The following ERF variants were observed in gnomAD, a reference collection of about 807,000 sequenced individuals.
ERF encodes the protein ETS2 repressor factor, also known as ETS domain-containing transcription factor ERF.
ERF carries 10 observed loss-of-function variants against 41.6 expected under a neutral mutation model. The observed-to-expected ratio is 0.24, with a 90% confidence interval of 0.15 to 0.41. The LOEUF (loss-of-function observed/expected upper bound fraction) is 0.41, where lower values mean the gene tolerates loss of function less well. ERF is among the 10% of genes least tolerant of loss of function. The pLI is 1.00. For missense variants in ERF, 621 were observed against 763.2 expected (o/e 0.81, Z 2.19); for synonymous variants, 395 against 342.4 (o/e 1.15, Z -1.70).
chr19:42,251,972 C>CAGCT (rs1265425997), intron 1 of ERF, among the ~76,000 whole-genome samples: 1 of 152,124 alleles, frequency 6.6e-6, no homozygotes, highest in African/African-American at 2.4e-5. Flanking sequence ...ATATGACCTC[C>CAGCT]AGCTGTTCAC....
Position 42,249,368 on chromosome 19 carries a change from G to C in ERF, c.744C>G (p.Phe248Leu). Reference protein sequence around the residue: ...PRGGPEPLSPFPVSPLAGPGS... With the variant: ...PRGGPEPLSPLPVSPLAGPGS... ...CAGGACCGGCCAGAGGCGACACAGG[G>C]AAGGGGCTGAGGGGTTCAGGGCCAC... The change falls in exon 4 of 4, where the codon TTC (phenylalanine) becomes TTG (leucine). Residue 248 changes from phenylalanine (F) to leucine (L), a missense_variant. Physicochemically the swap from Phe to Leu is conservative, Grantham distance 22. Around this residue, in one of 3 missense-constraint regions of ERF, gnomAD observed 569 missense variants for 625.5 expected, o/e 0.91. Coordinates refer to ENST00000222329, the MANE Select transcript of ERF (RefSeq NM_006494.4). The surrounding 1 kb of genome is among the most constrained non-coding windows in gnomAD (Gnocchi z 8.6). 1 of 1,576,162 alleles carries C rather than the reference G, an allele frequency of 6.3e-7. No homozygotes were observed. Among genetic ancestry groups the C allele is most frequent in the East Asian group, 2.3e-5 (1 of 43,670 alleles).
chr19:42,253,248 C>T (rs1486420154), intron 1 of ERF, among the ~76,000 whole-genome samples: 1 of 152,092 alleles, frequency 6.6e-6, no homozygotes. Flanking sequence ...CCACTCCAGG[C>T]GGCCCTCTAT....
At chr19:42,251,442 TG>T in intron 1 of ERF, 1 of 65,762 alleles carries the variant, frequency 1.5e-5, no homozygotes, top group Non-Finnish European at 1.9e-5. Flanking sequence ...GTGGGCAGCC[TG>T]GGGTGGGGGG....
At chr19:42,252,225 G>A (rs922882008) in intron 1 of ERF, among the ~76,000 whole-genome samples, 1 of 152,146 alleles carries the variant, frequency 6.6e-6, no homozygotes, top group Non-Finnish European at 1.5e-5. Context: ...GCCCCTCTCA[G>A]GGAACCAAGC....
Position 42,249,330 on chromosome 19 carries a change from G to T in ERF, c.782C>A (p.Pro261His). ...GGGCAGAGCCGGGGAGAGCTGAGGG[G>T]GCAGCAGGGATCCAGGACCGGCCAG... ...SPLAGPGSLL[P>H]PQLSPALPMT... Residue 261 changes from proline (P) to histidine (H), a missense_variant, in exon 4 of 4, where the codon CCC (proline) becomes CAC (histidine). By Grantham distance (77) the Pro-to-His change is moderately conservative. Coordinates refer to ENST00000222329, the MANE Select transcript of ERF (RefSeq NM_006494.4). This position sits in a 1 kb window ranked among gnomAD's most constrained non-coding sequence, Gnocchi z 8.6. 6.3e-7 allele frequency: 1 copy of T among 1,587,692 alleles called. No homozygotes were observed. Among genetic ancestry groups the T allele is most frequent in the South Asian group, 1.1e-5 (1 of 88,506 alleles).
chr19:42,249,684 C>A lies in ERF; in HGVS notation c.428G>T (p.Arg143Leu). ...PPVPSGGSHFRFPPSTPSEVL... is the reference protein window; with the variant it reads ...PPVPSGGSHFLFPPSTPSEVL... ...CTCGGAGGGCGTTGAGGGAGGGAAG[C>A]GGAAGTGGCTACCACCCGACGGCAC... Residue 143 changes from arginine to leucine, a missense_variant, in exon 4 of 4, where the codon CGC (arginine) becomes CTC (leucine). Arg to Leu is a moderately radical substitution (Grantham distance 102, BLOSUM62 -2). Around this residue, in one of 3 missense-constraint regions of ERF, gnomAD observed 569 missense variants for 625.5 expected, o/e 0.91. Transcript: ENST00000222329. The surrounding 1 kb of genome is among the most constrained non-coding windows in gnomAD (Gnocchi z 8.6). 2 of 1,599,526 alleles carry A rather than the reference C, an allele frequency of 1.3e-6. No individual in the cohort carries two copies. Among genetic ancestry groups the A allele is most frequent in the South Asian group, 1.1e-5 (1 of 89,000 alleles).
intron 1 of ERF, among the ~76,000 whole-genome samples, chr19:42,252,262 A>G (rs566101919): frequency 6.6e-6 from 1 of 152,140 alleles, no homozygotes; most frequent in African/African-American, 2.4e-5. Flanking sequence ...CTCAGCCCCA[A>G]TCTGGCTCTA....
At chr19:42,253,989 T>G in intron 1 of ERF, 8 of 974,084 alleles carry the variant, frequency 8.2e-6, no homozygotes, top group Non-Finnish European at 9.8e-6. Context: ...AGGGGGCGGC[T>G]GGGACCCCTC....
At chr19:42,252,750 G>A (rs962182651) in intron 1 of ERF, among the ~76,000 whole-genome samples, 4 of 152,118 alleles carry the variant, frequency 2.6e-5, no homozygotes, top group Non-Finnish European at 4.4e-5. Context: ...ATGAAGAGGG[G>A]GTGACGTCAG....
Position 42,248,283 on chromosome 19 carries a change from C to A in ERF, c.*182G>T. The A allele has an allele frequency of 5.2e-6, 2 of 386,022 alleles. No individual in the cohort carries two copies. Among genetic ancestry groups the A allele is most frequent in the Non-Finnish European group, 8.2e-6 (2 of 243,872 alleles). The allele number at this position is 386,022 out of a possible 1,614,324, so 23.9% of individuals were successfully genotyped here. A position where few individuals can be genotyped will look rare whatever the true frequency, so the allele number is the denominator to read the frequency against. On this transcript the variant is annotated 3_prime_UTR_variant, in exon 4 of 4. Coordinates refer to ENST00000222329, the MANE Select transcript of ERF (RefSeq NM_006494.4). The surrounding 1 kb of genome is among the most constrained non-coding windows in gnomAD (Gnocchi z 4.2). ...AGGGAATAGCCCCTAGCCCTGGGCA[C>A]CCACCCACCCCCACCATTTTTAAAA...
chr19:42,249,991 G>T lies in ERF; in HGVS notation c.258-49C>A. On this transcript the variant is annotated intron_variant, in intron 2 of 3. Coordinates refer to ENST00000222329, the MANE Select transcript of ERF (RefSeq NM_006494.4). The surrounding 1 kb of genome is among the most constrained non-coding windows in gnomAD (Gnocchi z 8.6). ...GGAAGGTCAGGTACGTGGGACCCAG[G>T]TCTAGACTCCACACCTTAACACGCA... 6.5e-7 allele frequency: 1 copy of T among 1,537,518 alleles called. No homozygotes were observed. Among genetic ancestry groups the T allele is most frequent in the Non-Finnish European group, 9.0e-7 (1 of 1,110,552 alleles).
In ERF at chr19:42,250,695, T is replaced by C; in HGVS notation, c.23-130A>G. On this transcript the variant is annotated intron_variant, in intron 1 of 3. Coordinates refer to ENST00000222329, the MANE Select transcript of ERF (RefSeq NM_006494.4). This position sits in a 1 kb window ranked among gnomAD's most constrained non-coding sequence, Gnocchi z 5.1. Reference sequence around the variant, plus strand: ...CTGTCTCACCTCAGCCAAGTCAAGATCTGATTTAAGAGAAGACAGTGCGTG... The same window carrying C: ...CTGTCTCACCTCAGCCAAGTCAAGACCTGATTTAAGAGAAGACAGTGCGTG... 3 of 891,478 alleles carry C rather than the reference T, an allele frequency of 3.4e-6. No homozygotes were observed. Among genetic ancestry groups the C allele is most frequent in the Non-Finnish European group, 5.1e-6 (3 of 584,290 alleles). The allele number at this position is 891,478 out of a possible 1,614,324, so 55.2% of individuals were successfully genotyped here.
Position 42,249,352 on chromosome 19 carries a change from C to T in ERF, c.760G>A (p.Ala254Thr). 1 of 1,577,080 alleles carries T rather than the reference C, an allele frequency of 6.3e-7. No individual in the cohort carries two copies. The highest frequency in any genetic ancestry group is 8.6e-7 in the Non-Finnish European group (1 of 1,162,154). The change falls in exon 4 of 4, where the codon GCC becomes ACC. Residue 254 changes from alanine to threonine, a missense_variant. Transcript: ENST00000222329. The surrounding 1 kb of genome is among the most constrained non-coding windows in gnomAD (Gnocchi z 8.6). ...GGGGGCAGCAGGGATCCAGGACCGG[C>T]CAGAGGCGACACAGGGAAGGGGCTG... is the stretch of plus-strand genomic sequence containing the variant. ...PLSPFPVSPLAGPGSLLPPQL... is the reference protein window; with the variant it reads ...PLSPFPVSPLTGPGSLLPPQL...
chr19:42,251,328 T>C, intron 1 of ERF: 1 of 985,958 alleles, frequency 1.0e-6, no homozygotes, highest in African/African-American at 1.7e-5. Flanking sequence ...CTCTTCCCAC[T>C]TCTGCCTTCT....
At position 42,248,762 on chromosome 19, in the gene ERF, G is replaced by A. The variant is rs758268534; in HGVS notation, c.1350C>T (p.Asp450=). Reference sequence around the variant, plus strand: ...CACGGGGCGTCTTGAACACCTCCCCGTCTTCCTCATCCTCATCACTGATGT... The same window carrying A: ...CACGGGGCGTCTTGAACACCTCCCCATCTTCCTCATCCTCATCACTGATGT... ...VTDISDEDEE[D]GEVFKTPRAP... The change falls in exon 4 of 4, where the codon GAC becomes GAT. Residue 450 remains aspartate (D), a synonymous_variant. Coordinates refer to ENST00000222329, the MANE Select transcript of ERF (RefSeq NM_006494.4). This position sits in a 1 kb window ranked among gnomAD's most constrained non-coding sequence, Gnocchi z 4.2. 1.2e-5 allele frequency: 20 copies of A among 1,613,298 alleles called. No homozygotes were observed. Among genetic ancestry groups the A allele is most frequent in the African/African-American group, 2.7e-5 (2 of 74,908 alleles).
chr19:42,249,053 C>T lies in ERF; in HGVS notation c.1059G>A (p.Met353Ile), dbSNP rs2036390132. The change falls in exon 4 of 4, where the codon ATG becomes ATA. Residue 353 changes from methionine (M) to isoleucine (I), a missense_variant. This residue lies in a region of ERF where 569 missense variants were observed against 625.5 expected (regional missense o/e 0.91). Coordinates refer to ENST00000222329, the MANE Select transcript of ERF (RefSeq NM_006494.4). The surrounding 1 kb of genome is among the most constrained non-coding windows in gnomAD (Gnocchi z 8.6). ...AGGGGACCGGTGGGGTCTCGGGTGCCATGGGCGGCAGCGGGCACTTGTCAG... is the reference window on the plus strand; with the variant it reads ...AGGGGACCGGTGGGGTCTCGGGTGCTATGGGCGGCAGCGGGCACTTGTCAG... ...QRPDKCPLPP[M>I]APETPPVPSS... 4 of 1,612,530 alleles carry T rather than the reference C, an allele frequency of 2.5e-6. No homozygotes were observed. Among genetic ancestry groups the T allele is most frequent in the Non-Finnish European group, 3.4e-6 (4 of 1,179,366 alleles).
At position 42,248,834 on chromosome 19, in the gene ERF, C is replaced by A. The variant is rs1168327230; in HGVS notation, c.1278G>T (p.Lys426Asn). 1 of 1,612,924 alleles carries A rather than the reference C, an allele frequency of 6.2e-7. No individual in the cohort carries two copies. The highest frequency in any genetic ancestry group is 8.5e-7 in the Non-Finnish European group (1 of 1,179,786). The change falls in exon 4 of 4, where the codon AAG becomes AAT. Residue 426 changes from lysine (K) to asparagine (N), a missense_variant. Lys to Asn is a moderately conservative substitution (Grantham distance 94). Transcript: ENST00000222329. The surrounding 1 kb of genome is among the most constrained non-coding windows in gnomAD (Gnocchi z 4.2). ...ACTCGCCTTCCGAGATGGGCTCCAC[C>A]TTGATCTGTGGTGGCGGGGGCGGTG... is the stretch of plus-strand genomic sequence containing the variant. ...LAPPPPPPQI[K>N]VEPISEGESE...
chr19:42,254,661 T>G, intron 1 of ERF: 5 of 224,570 alleles, frequency 2.2e-5, no homozygotes, highest in Non-Finnish European at 2.6e-5. Flanking sequence ...GAGTGCAACG[T>G]GACAAGAGCG....
chr19:42,254,322 G>T (rs1253082936), intron 1 of ERF, among the ~76,000 whole-genome samples: 1 of 151,950 alleles, frequency 6.6e-6, no homozygotes, highest in Non-Finnish European at 1.5e-5. Flanking sequence ...AGGTCTCCCC[G>T]GAGCCACCTT....
Sources: gnomAD v4.1 joint callset for allele counts (sites outside exome capture counted in the v4.1 genomes callset) on GRCh38, gnomAD v4.1.1 for gene constraint, gnomAD v4.1.1 regional missense constraint, Gnocchi (gnomAD v3.1) non-coding constraint, MANE v1.5 for transcripts, NCBI Gene and HGNC (gene_info 2026-07-23, HGNC 2026-07-21) for gene names.